The following TCF20 variants were observed in gnomAD, a reference collection of about 807,000 sequenced individuals.
The protein encoded by TCF20 is transcription factor 20.
In TCF20, 3 loss-of-function variants were observed where a neutral mutation model predicts 148.6. The ratio of observed to expected loss-of-function variants is 0.02; its 90% CI spans 0.01 to 0.05. The LOEUF is 0.05. Among genes scored for constraint, TCF20 ranks in the 10% least tolerant of loss-of-function variants. The probability of loss-of-function intolerance (pLI) is 1.00; values close to 1 mark genes in which losing one functional copy is unlikely to be tolerated. For missense variants in TCF20, 2,350 were observed against 2,429.3 expected (o/e 0.97, Z 0.69); for synonymous variants, 1,049 against 909.5 (o/e 1.15, Z -2.76).
Position 42,292,789 on chromosome 22 carries a change from C to T in TCF20, c.-37+50690G>A, listed in dbSNP as rs1019293057. ...GCCAGCCCCTCTGCGCCTCCAGGGC[C>T]GGCCGAGCACTAGCCCAGGCCCAGG... is the stretch of plus-strand genomic sequence containing the variant. On this transcript the variant is annotated intron_variant, in intron 1 of 1. Transcript: ENST00000515426. This position sits in a 1 kb window ranked among gnomAD's most constrained non-coding sequence, Gnocchi z 4.9. Among the ~76,000 whole-genome samples, 8 of 151,700 alleles carry T rather than the reference C, an allele frequency of 5.3e-5. No homozygotes were observed. The highest frequency in any genetic ancestry group is 8.8e-5 in the Non-Finnish European group (6 of 67,974).
chr22:42,274,038 GAGCAGACA>G (rs975780146), upstream of TCF20: 2 of 152,668 alleles, frequency 1.3e-5, no homozygotes, highest in Non-Finnish European at 2.9e-5. Flanking sequence ...CAGCTCTCGT[GAGCAGACA>G]CACAGCCCTC....
At chr22:42,270,826 G>A (rs1201599533), upstream of TCF20, among the ~76,000 whole-genome samples, 1 of 148,722 alleles carries the variant, frequency 6.7e-6, no homozygotes, top group Non-Finnish European at 1.5e-5. Context: ...GCGCGCGCCG[G>A]GTAGGGATCG....
At chr22:42,259,036 C>G (rs958991552) in intron 1 of TCF20, among the ~76,000 whole-genome samples, 4 of 152,190 alleles carry the variant, frequency 2.6e-5, no homozygotes, top group African/African-American at 4.8e-5. Flanking sequence ...TCCCCAGAAG[C>G]CTGCCTCCCT....
intron 5 of TCF20, among the ~76,000 whole-genome samples, chr22:42,167,526 T>G (rs34614590): frequency 0.18 from 26,988 of 152,024 alleles, 2,665 homozygotes; most frequent in East Asian, 0.34. Context: ...TACATTTTGG[T>G]TTTTCTTTTC....
At chr22:42,266,501 A>G (rs1450058365) in intron 1 of TCF20, among the ~76,000 whole-genome samples, 1 of 152,216 alleles carries the variant, frequency 6.6e-6, no homozygotes, top group Admixed American at 6.5e-5. Context: ...GCAGTGGCTC[A>G]TATCTGTAAC....
At chr22:42,179,568 C>A in intron 3 of TCF20, 41 bp downstream of exon 3, 1 of 1,396,764 alleles carries the variant, frequency 7.2e-7, no homozygotes, top group Non-Finnish European at 1.0e-6. Flanking sequence ...ATGTCCTAAT[C>A]CTTTGGATGC....
chr22:42,214,335 G>A lies in TCF20; in HGVS notation c.971C>T (p.Pro324Leu). ...AGTATACTGCATCACATGCTGAGAAGGGTGTTGTTGTTGCTGCGGTTGCTG... is the reference window on the plus strand; with the variant it reads ...AGTATACTGCATCACATGCTGAGAAAGGTGTTGTTGTTGCTGCGGTTGCTG... ...QQQQPQQQQH[P>L]SQHVMQYTNA... is the part of the protein sequence containing the mutation. The change falls in exon 2 of 6, where the codon CCT (proline) becomes CTT (leucine). Residue 324 changes from proline (P) to leucine (L), a missense_variant. Coordinates refer to ENST00000677622, the MANE Select transcript of TCF20 (RefSeq NM_001378418.1). 6.2e-7 allele frequency: 1 copy of A among 1,614,218 alleles called. No individual in the cohort carries two copies. The highest frequency in any genetic ancestry group is 8.5e-7 in the Non-Finnish European group (1 of 1,180,034).
rs1409465034 is a variant in TCF20 at position 42,210,881 on chromosome 22, G to A, written c.4425C>T (p.Asn1475=). ...CCAGGGAACCATCTGGTCTCCCTTG[G>A]TTACTACCAGGCTTCTGTGAGGTTG... is the stretch of plus-strand genomic sequence containing the variant. ...TSTTSQKPGS[N]QGRPDGSLGG... is the part of the protein sequence containing the mutation. The change falls in exon 2 of 6, where the codon AAC becomes AAT. Residue 1475 remains asparagine (N), a synonymous_variant. Transcript: ENST00000677622. This position sits in a 1 kb window ranked among gnomAD's most constrained non-coding sequence, Gnocchi z 4.7. The A allele has an allele frequency of 4.3e-6, 7 of 1,614,028 alleles. No homozygotes were observed. The highest frequency in any genetic ancestry group is 2.2e-5 in the East Asian group (1 of 44,894).
chr22:42,319,276 T>C (rs1927689887), intron 1 of TCF20, among the ~76,000 whole-genome samples: 1 of 152,120 alleles, frequency 6.6e-6, no homozygotes, highest in Non-Finnish European at 1.5e-5. Flanking sequence ...AGAGTACTCC[T>C]CTGGCCCTGC....
chr22:42,333,215 G>A (rs777222960), intron 1 of TCF20, among the ~76,000 whole-genome samples: 9 of 152,034 alleles, frequency 5.9e-5, no homozygotes, highest in African/African-American at 1.9e-4. Flanking sequence ...GAGCTGCCTC[G>A]CTGTGCAGAG....
intron 1 of TCF20, among the ~76,000 whole-genome samples, chr22:42,219,983 G>A (rs563974956): frequency 6.6e-6 from 1 of 152,252 alleles, no homozygotes; most frequent in Admixed American, 6.5e-5. Flanking sequence ...GTATTAGTGA[G>A]GTCCAGAACT....
rs1453212271 is a variant in TCF20, at chr22:42,297,643, T to TC, written c.-37+45835dup. On this transcript the variant is annotated intron_variant, in intron 1 of 1. Coordinates refer to the TCF20 transcript ENST00000515426. The surrounding 1 kb of genome is among the most constrained non-coding windows in gnomAD (Gnocchi z 4.3). The stretch of plus-strand genomic sequence containing the variant: ...CAGGAGCTTCCCCTTCATAACCTCT[T>TC]CTCCCAACCCAGACCAGGCAGACTT... Among the ~76,000 whole-genome samples, 1 of 151,988 alleles carries TC rather than the reference T, an allele frequency of 6.6e-6. No individual in the cohort carries two copies.
At chr22:42,162,358 G>A (rs1935518662) in intron 5 of TCF20, among the ~76,000 whole-genome samples, 1 of 152,140 alleles carries the variant, frequency 6.6e-6, no homozygotes, top group African/African-American at 2.4e-5. Flanking sequence ...GGCTCAGACA[G>A]AGCTGGACTA....
intron 1 of TCF20, among the ~76,000 whole-genome samples, chr22:42,341,178 C>T (rs73433586): frequency 0.097 from 14,705 of 152,206 alleles, 1,663 homozygotes; most frequent in African/African-American, 0.28. Flanking sequence ...GCAAACCCCC[C>T]AGTCCCCCAC....
chr22:42,252,996 A>G (rs1925502741), intron 1 of TCF20, among the ~76,000 whole-genome samples: 1 of 152,094 alleles, frequency 6.6e-6, no homozygotes, highest in African/African-American at 2.4e-5. Flanking sequence ...AGGCTAATAA[A>G]CTGAATCAGG....
intron 1 of TCF20, among the ~76,000 whole-genome samples, chr22:42,222,673 GT>G (rs1313232381): frequency 6.6e-6 from 1 of 152,064 alleles, no homozygotes. Flanking sequence ...AGATCATATG[GT>G]TCTTAAGAGC....
chr22:42,306,303 C>T (rs1253735506), intron 1 of TCF20, among the ~76,000 whole-genome samples: 7 of 152,250 alleles, frequency 4.6e-5, no homozygotes, highest in African/African-American at 1.4e-4. Context: ...GAAAGTGGCG[C>T]GAGGGCTGAT....
intron 1 of TCF20, among the ~76,000 whole-genome samples, chr22:42,304,144 C>T (rs1471521907): frequency 2.6e-5 from 4 of 152,140 alleles, no homozygotes; most frequent in East Asian, 1.9e-4. Context: ...TGTGCCCCAC[C>T]CCCTCCCACT....
At chr22:42,294,462 G>T (rs550061126) in intron 1 of TCF20, among the ~76,000 whole-genome samples, 1 of 152,112 alleles carries the variant, frequency 6.6e-6, no homozygotes, top group Non-Finnish European at 1.5e-5. Flanking sequence ...GCTGGGGGTC[G>T]GCGTGGCAGA....
Sources: allele counts gnomAD v4.1 joint callset (sites outside exome capture counted in the v4.1 genomes callset), GRCh38; gene constraint gnomAD v4.1.1; non-coding constraint Gnocchi (gnomAD v3.1); transcripts MANE v1.5; gene names NCBI Gene and HGNC (gene_info 2026-07-23, HGNC 2026-07-21).